Variants in GPR89A observed in about 807,000 individuals in gnomAD.
The protein encoded by GPR89A is G protein-coupled receptor 89A.
GPR89A carries 16 observed loss-of-function variants against 52.0 expected under a neutral mutation model. That is an observed-to-expected ratio of 0.31 (90% confidence interval 0.21 to 0.47). The LOEUF (loss-of-function observed/expected upper bound fraction) is 0.47, where lower values mean the gene tolerates loss of function less well. Ranked by LOEUF, GPR89A falls within the 20% of genes least tolerant of loss-of-function variation. The probability of loss-of-function intolerance (pLI) is 1.00; values close to 1 mark genes in which losing one functional copy is unlikely to be tolerated. For missense variants in GPR89A, 135 were observed against 449.4 expected (o/e 0.30, Z 6.33); for synonymous variants, 55 against 150.9 (o/e 0.36, Z 4.66).
intron 7 of GPR89A, among the ~76,000 whole-genome samples, chr1:145,634,811 C>T (rs1379140829): frequency 1.3e-5 from 2 of 151,748 alleles, no homozygotes; most frequent in Non-Finnish European, 2.9e-5. Context: ...CAATCATTTG[C>T]TTTTCATGCT....
intron 5 of GPR89A, among the ~76,000 whole-genome samples, chr1:145,628,963 G>C (rs1179433047): frequency 6.6e-6 from 1 of 152,006 alleles, no homozygotes; most frequent in African/African-American, 2.4e-5. Flanking sequence ...TAGCAAAGAA[G>C]GAAATATTGA....
intron 5 of GPR89A, among the ~76,000 whole-genome samples, chr1:145,625,257 T>G (rs587727449): frequency 3.6e-4 from 54 of 150,418 alleles, no homozygotes; most frequent in African/African-American, 1.3e-3. Flanking sequence ...TTCAAACTCT[T>G]AGGTGGCGTA....
intron 10 of GPR89A, among the ~76,000 whole-genome samples, chr1:145,655,259 A>G (rs1651736212): frequency 1.3e-5 from 2 of 152,150 alleles, no homozygotes; most frequent in African/African-American, 4.8e-5. Context: ...TTGCTCAGCA[A>G]TGTTTGTTAC....
rs1419252257 is a variant in GPR89A, at chr1:145,649,580, G to A, written c.909+2313G>A. ...ATGAATATTTGGTTGTTTCCAGTTGGGGGATATTACAGATAAAGTTGCTGT... is the reference window on the plus strand; with the variant it reads ...ATGAATATTTGGTTGTTTCCAGTTGAGGGATATTACAGATAAAGTTGCTGT... On this transcript the variant is annotated intron_variant, in intron 10 of 13. Transcript: ENST00000313835. Among the ~76,000 whole-genome samples the A allele has an allele frequency of 2.0e-5, 3 of 151,990 alleles. No individual in the cohort carries two copies. In the East Asian group the frequency reaches 5.8e-4, roughly 30 times the overall value.
chr1:145,626,397 A>G (rs587657691), intron 5 of GPR89A, among the ~76,000 whole-genome samples: 126 of 152,050 alleles, frequency 8.3e-4, no homozygotes, highest in Non-Finnish European at 1.5e-3. Flanking sequence ...TCTAAATTCT[A>G]TGGGATTACC....
At chr1:145,658,898 C>T (rs1360249833) in intron 10 of GPR89A, among the ~76,000 whole-genome samples, 3 of 151,358 alleles carry the variant, frequency 2.0e-5, no homozygotes, top group Admixed American at 6.6e-5. Context: ...CTGCCTCAGC[C>T]GCCTGAGTAG....
intron 7 of GPR89A, 73 bp from the exon 8 acceptor site, chr1:145,643,796 T>C (rs1650811178): frequency 8.0e-6 from 1 of 124,956 alleles, no homozygotes; most frequent in Non-Finnish European, 1.7e-5. Context: ...GTTGTGAGAC[T>C]GGAAAATGGA....
rs1454688734 is a variant in GPR89A, at chr1:145,670,392, C to T, written c.*352C>T. 14 of 464,118 alleles carry T rather than the reference C, an allele frequency of 3.0e-5. No individual in the cohort carries two copies. Among genetic ancestry groups the T allele is most frequent in the Non-Finnish European group, 4.2e-5 (11 of 263,460 alleles). 28.7% of individuals were successfully genotyped at this position (464,118 alleles called of 1,614,324 possible). Reference sequence around the variant, plus strand: ...AGCTGAGCCAAACACGTAGGATTTCCGTTTTAAGGTTCACATGGAAAAGGT... The same window carrying T: ...AGCTGAGCCAAACACGTAGGATTTCTGTTTTAAGGTTCACATGGAAAAGGT... On this transcript the variant is annotated 3_prime_UTR_variant, in exon 14 of 14. Coordinates refer to ENST00000313835, the MANE Select transcript of GPR89A (RefSeq NM_001097612.2).
chr1:145,619,031 G>T (rs1342660931), intron 3 of GPR89A, among the ~76,000 whole-genome samples: 1 of 151,946 alleles, frequency 6.6e-6, no homozygotes, highest in Non-Finnish European at 1.5e-5. Flanking sequence ...ATGTTTTTAG[G>T]CCAGCATTTA....
chr1:145,646,545 C>G (rs1328583760), intron 9 of GPR89A: 1 of 446,638 alleles, frequency 2.2e-6, no homozygotes, highest in Non-Finnish European at 4.0e-6. Flanking sequence ...GTACCACCTC[C>G]TACTAACCTG....
intron 3 of GPR89A, among the ~76,000 whole-genome samples, chr1:145,620,880 A>G (rs1649095154): frequency 6.6e-6 from 1 of 152,198 alleles, no homozygotes; most frequent in African/African-American, 2.4e-5. Context: ...TTCACTTTTA[A>G]TAGGCAGTCC....
chr1:145,609,122 C>G lies in GPR89A; in HGVS notation c.42+947C>G, dbSNP rs144499376. Among the ~76,000 whole-genome samples the G allele has an allele frequency of 1.6e-4, 25 of 152,284 alleles. No homozygotes were observed. In the East Asian group the frequency reaches 4.8e-3, roughly 29 times the overall value. ...GACTGCCTGTTGACCTTCTTCCCCC[C>G]ATCTTTCCAATAAAGATTTTGTGTG... On this transcript the variant is annotated intron_variant, in intron 1 of 13. Transcript: ENST00000313835.
chr1:145,619,303 T>TAAA (rs1190730355), intron 3 of GPR89A, among the ~76,000 whole-genome samples: 63 of 18,664 alleles, frequency 3.4e-3, no homozygotes, highest in African/African-American at 5.1e-3. Context: ...ATTGAAAGGT[T>TAAA]AAAAAAAAAA....
intron 10 of GPR89A, among the ~76,000 whole-genome samples, chr1:145,659,181 T>A (rs1343440751): frequency 2.0e-5 from 3 of 151,550 alleles, no homozygotes; most frequent in Admixed American, 1.3e-4. Context: ...AACCTTTTTA[T>A]TTATTTATTT....
At chr1:145,642,359 C>T in intron 7 of GPR89A, among the ~76,000 whole-genome samples, 1 of 151,726 alleles carries the variant, frequency 6.6e-6, no homozygotes, top group African/African-American at 2.4e-5. Flanking sequence ...CTTAATCTTA[C>T]AAGTCAGAAT....
At chr1:145,626,916 C>T (rs1649540005) in intron 5 of GPR89A, among the ~76,000 whole-genome samples, 1 of 124,960 alleles carries the variant, frequency 8.0e-6, no homozygotes, top group South Asian at 3.1e-4. Flanking sequence ...TCGTGCCACT[C>T]CCCTCCAGCC....
intron 9 of GPR89A, chr1:145,646,493 G>C (rs1461551036): frequency 6.1e-6 from 3 of 490,992 alleles, no homozygotes; most frequent in Non-Finnish European, 1.1e-5. Context: ...GCAATTGGTG[G>C]GATAGTCAGA....
intron 5 of GPR89A, among the ~76,000 whole-genome samples, chr1:145,624,508 A>T (rs1320396527): frequency 1.3e-5 from 2 of 150,112 alleles, no homozygotes; most frequent in African/African-American, 2.5e-5. Flanking sequence ...GAACCTTTTT[A>T]AAAAAATCTA....
chr1:145,624,632 A>G (rs1261694079), intron 5 of GPR89A, among the ~76,000 whole-genome samples: 1 of 149,194 alleles, frequency 6.7e-6, no homozygotes, highest in Non-Finnish European at 1.5e-5. Context: ...ATTATACAGT[A>G]TCAGGCAATT....
Sources: allele counts gnomAD v4.1 joint callset (sites outside exome capture counted in the v4.1 genomes callset), GRCh38; gene constraint gnomAD v4.1.1; transcripts MANE v1.5; gene names NCBI Gene and HGNC (gene_info 2026-07-23, HGNC 2026-07-21).